The following OPCML variants were observed in gnomAD, a reference collection of about 807,000 sequenced individuals.
OPCML encodes the protein opioid-binding protein/cell adhesion molecule.
A neutral mutation model predicts 37.8 loss-of-function variants in OPCML; 13 were observed. The observed-to-expected ratio is 0.34, with a 90% CI of 0.22 to 0.55. OPCML has a LOEUF of 0.55. Among genes scored for constraint, OPCML ranks in the 20% least tolerant of loss-of-function variants. The pLI is 0.91. For missense variants in OPCML, 341 were observed against 435.6 expected, an observed-to-expected ratio of 0.78 and a Z score of 1.93; for synonymous variants, 176 against 168.8, an observed-to-expected ratio of 1.04 and a Z score of -0.33.
At chr11:133,178,653 T>C (rs1937667671) in intron 1 of OPCML, among the ~76,000 whole-genome samples, 1 of 151,990 alleles carries the variant, frequency 6.6e-6, no homozygotes, top group African/African-American at 2.4e-5. Flanking sequence ...ACAGTGTGTG[T>C]CCTGAGCATG....
intron 2 of OPCML, among the ~76,000 whole-genome samples, chr11:132,833,518 A>G (rs1271507154): frequency 6.6e-6 from 1 of 152,260 alleles, no homozygotes; most frequent in African/African-American, 2.4e-5. Context: ...AAGTAGAAAG[A>G]GTACTCTCTA....
intron 2 of OPCML, among the ~76,000 whole-genome samples, chr11:132,660,264 A>G (rs1591688257): frequency 6.6e-6 from 1 of 152,188 alleles, no homozygotes; most frequent in South Asian, 2.1e-4. Context: ...GAAGATGGAA[A>G]TGAAAATTGT....
At chr11:133,020,536 G>A (rs940731436) in intron 1 of OPCML, among the ~76,000 whole-genome samples, 1 of 152,208 alleles carries the variant, frequency 6.6e-6, no homozygotes, top group African/African-American at 2.4e-5. Flanking sequence ...AGTTTAGGTA[G>A]TGGCTCCATC....
intron 2 of OPCML, among the ~76,000 whole-genome samples, chr11:132,847,970 T>C (rs1941628192): frequency 6.6e-6 from 1 of 152,194 alleles, no homozygotes; most frequent in Non-Finnish European, 1.5e-5. Flanking sequence ...CCACCTCTCC[T>C]GATCCCAAGG....
At chr11:133,172,791 G>T (rs1367863) in intron 1 of OPCML, among the ~76,000 whole-genome samples, 67,115 of 151,940 alleles carry the variant, frequency 0.44, 15,272 homozygotes, top group South Asian at 0.55. Flanking sequence ...AGAAAGAGCT[G>T]GGCAAGAAAA....
chr11:132,457,946 G>A (rs1270554737), intron 4 of OPCML, among the ~76,000 whole-genome samples: 2 of 152,232 alleles, frequency 1.3e-5, no homozygotes, highest in African/African-American at 4.8e-5. Context: ...TGCCGTGGAA[G>A]AGCTTAGATT....
chr11:133,178,639 C>T (rs1288507028), intron 1 of OPCML, among the ~76,000 whole-genome samples: 2 of 152,050 alleles, frequency 1.3e-5, no homozygotes, highest in Non-Finnish European at 2.9e-5. Context: ...GTTTCACAAC[C>T]AGGACAGTGT....
intron 1 of OPCML, among the ~76,000 whole-genome samples, chr11:133,342,466 C>A (rs1392222975): frequency 1.3e-5 from 2 of 152,216 alleles, no homozygotes; most frequent in Non-Finnish European, 2.9e-5. Context: ...ACTTTCAACT[C>A]ATTGAGAGGC....
At chr11:133,025,424 G>A (rs1947533465) in intron 1 of OPCML, 1 of 985,160 alleles carries the variant, frequency 1.0e-6, no homozygotes, top group African/African-American at 1.7e-5. Context: ...TGTCTCAGGT[G>A]AAGTTTGGGT....
intron 1 of OPCML, among the ~76,000 whole-genome samples, chr11:133,398,295 G>A (rs1246945232): frequency 6.6e-6 from 1 of 152,174 alleles, no homozygotes; most frequent in African/African-American, 2.4e-5. Flanking sequence ...GCCCAATGTG[G>A]TCCTTTTGGA....
At chr11:132,682,610 A>C (rs1260610531) in intron 2 of OPCML, among the ~76,000 whole-genome samples, 1 of 152,216 alleles carries the variant, frequency 6.6e-6, no homozygotes, top group African/African-American at 2.4e-5. Context: ...GTTTGTGCCC[A>C]CAGGGCAATA....
In OPCML at chr11:133,249,595, C is replaced by T. The variant is rs548185535; in HGVS notation, c.61+282669G>A. 3.3e-5 allele frequency among the ~76,000 whole-genome samples: 5 copies of T among 152,282 alleles called. No individual in the cohort carries two copies. In the South Asian group the frequency reaches 1.0e-3, roughly 32 times the overall value. Reference sequence around the variant, plus strand: ...GGCATTTTACGACAGGGTTGAGACACCAAGACAAAGGCGGAGGAGAGAAAG... The same window carrying T: ...GGCATTTTACGACAGGGTTGAGACATCAAGACAAAGGCGGAGGAGAGAAAG... On this transcript the variant is annotated intron_variant, in intron 1 of 7. Transcript: ENST00000524381.
intron 1 of OPCML, among the ~76,000 whole-genome samples, chr11:133,230,751 C>T (rs562662617): frequency 1.3e-5 from 2 of 152,326 alleles, no homozygotes; most frequent in East Asian, 3.9e-4. Context: ...GCCCATTTCA[C>T]TGAGGACAGG....
intron 2 of OPCML, among the ~76,000 whole-genome samples, chr11:132,830,351 G>T (rs1243349956): frequency 1.3e-5 from 2 of 152,090 alleles, no homozygotes; most frequent in Non-Finnish European, 2.9e-5. Flanking sequence ...AAGCGGTGTT[G>T]GACTCTATTC....
intron 4 of OPCML, among the ~76,000 whole-genome samples, chr11:132,456,998 T>C (rs1321683248): frequency 6.6e-6 from 1 of 152,164 alleles, no homozygotes; most frequent in African/African-American, 2.4e-5. Context: ...ATGTGGCTCA[T>C]GCATGGGGGG....
intron 1 of OPCML, among the ~76,000 whole-genome samples, chr11:133,219,795 G>A (rs1939740240): frequency 7.6e-6 from 1 of 132,186 alleles, no homozygotes; most frequent in Admixed American, 7.1e-5. Flanking sequence ...TATGATCACA[G>A]TTTGGGGAGG....
intron 7 of OPCML, chr11:132,435,243 T>C (rs2096009156): frequency 4.7e-6 from 6 of 1,289,568 alleles, no homozygotes; most frequent in Non-Finnish European, 5.1e-6. Flanking sequence ...AAGACATAGA[T>C]CACACATTTC....
chr11:133,234,070 T>C (rs1940407066), intron 1 of OPCML, among the ~76,000 whole-genome samples: 1 of 152,190 alleles, frequency 6.6e-6, no homozygotes, highest in Non-Finnish European at 1.5e-5. Context: ...AAAATAGATG[T>C]TCCCTTATCA....
At chr11:132,541,515 GAT>G (rs2096356481) in intron 3 of OPCML, among the ~76,000 whole-genome samples, 1 of 107,956 alleles carries the variant, frequency 9.3e-6, no homozygotes, top group Non-Finnish European at 1.7e-5. Flanking sequence ...TCTATATCCA[GAT>G]TTTTTTTTTT....
Sources: gnomAD v4.1 joint callset for allele counts (sites outside exome capture counted in the v4.1 genomes callset) on GRCh38, gnomAD v4.1.1 for gene constraint, MANE v1.5 for transcripts, NCBI Gene and HGNC (gene_info 2026-07-23, HGNC 2026-07-21) for gene names.